GRIK3: variants seen among roughly 807,000 people sequenced by gnomAD.
GRIK3 encodes glutamate ionotropic receptor kainate type subunit 3.
Under a neutral mutation model 102.5 loss-of-function variants are expected in GRIK3, and 29 were observed. That is an observed-to-expected ratio of 0.28 (90% CI 0.21 to 0.39). The LOEUF is 0.39. Among genes scored for constraint, GRIK3 ranks in the 10% least tolerant of loss-of-function variants. The probability of loss-of-function intolerance (pLI) is 1.00; values close to 1 mark genes in which losing one functional copy is unlikely to be tolerated. For synonymous variants in GRIK3, 511 were observed against 504.9 expected, an observed-to-expected ratio of 1.01 and a Z score of -0.16; for missense variants, 908 against 1,252.4, an observed-to-expected ratio of 0.73 and a Z score of 4.15.
At chr1:36,893,535 G>T (rs1641141417) in intron 1 of GRIK3, among the ~76,000 whole-genome samples, 1 of 152,162 alleles carries the variant, frequency 6.6e-6, no homozygotes, top group African/African-American at 2.4e-5. Context: ...AATAAACCAT[G>T]GCTCCAGCTT....
At chr1:36,958,414 G>A (rs1244385838) in intron 1 of GRIK3, among the ~76,000 whole-genome samples, 3 of 116,670 alleles carry the variant, frequency 2.6e-5, no homozygotes, top group Non-Finnish European at 5.1e-5. Flanking sequence ...TGTGCCCCGT[G>A]AGTCTGTGCC....
At chr1:36,857,816 G>A (rs530491436) in intron 7 of GRIK3, among the ~76,000 whole-genome samples, 8 of 152,290 alleles carry the variant, frequency 5.3e-5, no homozygotes, top group South Asian at 2.1e-4. Context: ...GTTTGCTCTC[G>A]TAGAGCTGCC....
chr1:36,926,352 G>A (rs1013506790), intron 1 of GRIK3, among the ~76,000 whole-genome samples: 1 of 151,928 alleles, frequency 6.6e-6, no homozygotes, highest in African/African-American at 2.4e-5. Context: ...TGTACTTGAG[G>A]TTCCTCCCTC....
intron 1 of GRIK3, among the ~76,000 whole-genome samples, chr1:37,007,466 G>A (rs191023011): frequency 6.6e-5 from 10 of 152,236 alleles, no homozygotes; most frequent in Admixed American, 2.6e-4. Flanking sequence ...GGTGGGATCC[G>A]ATCTTGATGG....
At chr1:37,022,384 A>G (rs1642724588) in intron 1 of GRIK3, among the ~76,000 whole-genome samples, 1 of 152,216 alleles carries the variant, frequency 6.6e-6, no homozygotes, top group Admixed American at 6.5e-5. Context: ...GAGAGGGGTG[A>G]GGTCAGAAAA....
intron 1 of GRIK3, among the ~76,000 whole-genome samples, chr1:37,033,499 C>T (rs980978589): frequency 6.6e-6 from 1 of 152,150 alleles, no homozygotes; most frequent in African/African-American, 2.4e-5. Flanking sequence ...AGACCGGCTG[C>T]CCTCGTCATG....
intron 3 of GRIK3, among the ~76,000 whole-genome samples, chr1:36,873,153 C>A (rs995929397): frequency 1.4e-4 from 21 of 152,222 alleles, no homozygotes; most frequent in Non-Finnish European, 2.8e-4. Context: ...CTGCCACCAG[C>A]ACGTTGATAT....
At chr1:36,977,681 A>T (rs1299369747) in intron 1 of GRIK3, among the ~76,000 whole-genome samples, 3 of 152,188 alleles carry the variant, frequency 2.0e-5, no homozygotes, top group African/African-American at 7.2e-5. Context: ...GATTCTGGGG[A>T]GGCTGCCCTG....
chr1:36,903,539 A>T (rs1641253601), intron 1 of GRIK3, among the ~76,000 whole-genome samples: 1 of 152,242 alleles, frequency 6.6e-6, no homozygotes, highest in African/African-American at 2.4e-5. Context: ...AGCTTTATTC[A>T]TGGTTGCCCA....
chr1:37,031,051 C>T (rs574790220), intron 1 of GRIK3, among the ~76,000 whole-genome samples: 14 of 152,218 alleles, frequency 9.2e-5, no homozygotes, highest in African/African-American at 3.4e-4. Flanking sequence ...CACTGAAGCC[C>T]GTTTGGCTGA....
intron 7 of GRIK3, among the ~76,000 whole-genome samples, chr1:36,855,394 G>C (rs752538564): frequency 6.6e-6 from 1 of 152,214 alleles, no homozygotes; most frequent in Non-Finnish European, 1.5e-5. Context: ...GAGTTTCATT[G>C]ACAAATCCCA....
intron 1 of GRIK3, among the ~76,000 whole-genome samples, chr1:36,966,849 C>T (rs916095537): frequency 4.6e-5 from 7 of 152,118 alleles, no homozygotes; most frequent in East Asian, 1.9e-4. Context: ...ATAATAGAGC[C>T]GGGCATGGTG....
In GRIK3 at chr1:36,850,256, G is replaced by T. The variant is rs774288682; in HGVS notation, c.1326+55C>A. 8.8e-7 allele frequency: 1 copy of T among 1,136,770 alleles called. No homozygotes were observed. The highest frequency in any genetic ancestry group is 1.2e-5 in the South Asian group (1 of 81,506). 70.4% of individuals were successfully genotyped at this position (1,136,770 alleles called of 1,614,324 possible). On this transcript the variant is annotated intron_variant, in intron 9 of 15. Transcript: ENST00000373091. The surrounding 1 kb of genome is among the most constrained non-coding windows in gnomAD (Gnocchi z 4.0). ...ATAGAGGGGACTCTCCAGCCCGAAC[G>T]GCCACCCCACCCCCAGGTCGGACAG...
chr1:36,875,057 T>A (rs185506790), intron 3 of GRIK3, among the ~76,000 whole-genome samples: 4 of 152,336 alleles, frequency 2.6e-5, no homozygotes, highest in Admixed American at 6.5e-5. Context: ...CGCTTCTGCA[T>A]TCATTACCCT....
intron 2 of GRIK3, among the ~76,000 whole-genome samples, chr1:36,886,583 G>T (rs953126169): frequency 3.3e-5 from 5 of 152,200 alleles, no homozygotes; most frequent in Non-Finnish European, 7.3e-5. Flanking sequence ...ATAGCAGAGG[G>T]ATGGTATCTG....
chr1:36,879,338 T>C (rs904089362), intron 3 of GRIK3, among the ~76,000 whole-genome samples: 4 of 151,846 alleles, frequency 2.6e-5, no homozygotes, highest in African/African-American at 4.8e-5. Context: ...TACAAAAAAA[T>C]ACAAAATTAG....
rs1642405836 is a variant in GRIK3 at position 36,799,269 on chromosome 1, T to C, written c.*2582A>G. The C allele has an allele frequency of 6.6e-6, 1 of 152,244 alleles. No individual in the cohort carries two copies. The highest frequency in any genetic ancestry group is 2.1e-4 in the South Asian group (1 of 4,824). The allele number at this position is 152,244 out of a possible 1,614,324, so 9.4% of individuals were successfully genotyped here. On this transcript the variant is annotated 3_prime_UTR_variant, in exon 16 of 16. Transcript: ENST00000373091. ...AACCTTGGAACCTCTCTGTGACAAA[T>C]GATCTCTCCCATGACAGAAGTGCAA...
chr1:36,966,333 C>T (rs984727642), intron 1 of GRIK3, among the ~76,000 whole-genome samples: 1 of 152,190 alleles, frequency 6.6e-6, no homozygotes, highest in Non-Finnish European at 1.5e-5. Context: ...CATGGTTTGG[C>T]CTGGACTGCA....
At position 36,815,653 on chromosome 1, in the gene GRIK3, G is replaced by A. The variant is rs114031026; in HGVS notation, c.2091+1407C>T. On this transcript the variant is annotated intron_variant, in intron 13 of 15. Transcript: ENST00000373091. ...TCCAAGCACAGAACCTGGACCAGCA[G>A]CTGCAGCGTCACTTTGGAACTTTTT... Among the ~76,000 whole-genome samples, 515 of 152,338 alleles carry A rather than the reference G, an allele frequency of 3.4e-3. 3 individuals are homozygous for A. The highest frequency in any genetic ancestry group is 0.012 in the African/African-American group (483 of 41,574).
Sources: allele counts gnomAD v4.1 joint callset (sites outside exome capture counted in the v4.1 genomes callset), GRCh38; gene constraint gnomAD v4.1.1; non-coding constraint Gnocchi (gnomAD v3.1); transcripts MANE v1.5; gene names NCBI Gene and HGNC (gene_info 2026-07-23, HGNC 2026-07-21).